SVIL: variants seen among roughly 807,000 people sequenced by gnomAD.
The protein encoded by SVIL is supervillin, also known as archvillin.
In SVIL, 101 loss-of-function variants were observed where a neutral mutation model predicts 240.4. The ratio of observed to expected loss-of-function variants is 0.42; its 90% CI spans 0.36 to 0.50. The LOEUF (loss-of-function observed/expected upper bound fraction) is 0.50, where lower values mean the gene tolerates loss of function less well. Ranked by LOEUF, SVIL falls within the 20% of genes least tolerant of loss-of-function variation. SVIL has a pLI of 0.01. For synonymous variants in SVIL, 999 were observed against 1,100.0 expected (o/e 0.91, Z 1.82); for missense variants, 2,512 against 2,818.7 (o/e 0.89, Z 2.46).
At chr10:29,474,548 T>C (rs1945957571) in intron 29 of SVIL, among the ~76,000 whole-genome samples, 1 of 152,028 alleles carries the variant, frequency 6.6e-6, no homozygotes, top group African/African-American at 2.4e-5. Context: ...TTAGCCATGA[T>C]TGTGTCACTG....
intron 29 of SVIL, among the ~76,000 whole-genome samples, chr10:29,478,415 G>A (rs925027428): frequency 3.3e-5 from 5 of 152,240 alleles, no homozygotes; most frequent in East Asian, 3.9e-4. Context: ...CCTGCTAAAC[G>A]TCATATATAC....
At chr10:29,507,801 G>A (rs1190838406) in intron 17 of SVIL, 15 of 985,036 alleles carry the variant, frequency 1.5e-5, no homozygotes, top group Non-Finnish European at 1.8e-5. Flanking sequence ...ATAAGTAGAA[G>A]CATATACAGG....
intron 29 of SVIL, among the ~76,000 whole-genome samples, chr10:29,476,332 C>A (rs913647204): frequency 1.3e-5 from 2 of 152,236 alleles, no homozygotes; most frequent in African/African-American, 4.8e-5. Context: ...TACATATTCA[C>A]ACTTAAATAA....
intron 22 of SVIL, among the ~76,000 whole-genome samples, 197 bp downstream of exon 22, chr10:29,490,650 C>T (rs1320298383): frequency 6.6e-6 from 1 of 151,386 alleles, no homozygotes; most frequent in African/African-American, 2.4e-5. Flanking sequence ...AGGTGATACA[C>T]ACTTTGAGAA....
intron 1 of SVIL, among the ~76,000 whole-genome samples, chr10:29,631,146 C>T (rs1224242894): frequency 2.0e-5 from 3 of 152,236 alleles, no homozygotes; most frequent in Non-Finnish European, 4.4e-5. Flanking sequence ...GCCAACAGAA[C>T]TCCAGGGGCA....
At chr10:29,603,086 G>A (rs545124153) in intron 1 of SVIL, among the ~76,000 whole-genome samples, 3 of 118,728 alleles carry the variant, frequency 2.5e-5, no homozygotes, top group Admixed American at 8.7e-5. Context: ...ACTGAAACTC[G>A]AGACTCCTTC....
At chr10:29,723,834 A>G (rs1388899904) in intron 1 of SVIL, among the ~76,000 whole-genome samples, 1 of 152,234 alleles carries the variant, frequency 6.6e-6, no homozygotes, top group Non-Finnish European at 1.5e-5. Context: ...ATGAAACAAA[A>G]GCCATTGTTG....
At chr10:29,653,823 A>G (rs1478484527) in intron 3 of SVIL, among the ~76,000 whole-genome samples, 3 of 152,046 alleles carry the variant, frequency 2.0e-5, no homozygotes, top group Admixed American at 1.3e-4. Context: ...TTGTTTTGGC[A>G]TTGTTTTGTA....
chr10:29,646,216 C>G (rs11007682), intron 3 of SVIL, among the ~76,000 whole-genome samples: 9,815 of 152,322 alleles, frequency 0.064, 395 homozygotes, highest in East Asian at 0.16. Flanking sequence ...CAGACACCCC[C>G]CTGCCCTGCA....
At chr10:29,734,947 A>T (rs1197235257) in intron 1 of SVIL, among the ~76,000 whole-genome samples, 1 of 152,100 alleles carries the variant, frequency 6.6e-6, no homozygotes, top group African/African-American at 2.4e-5. Flanking sequence ...GGAACTTCTC[A>T]TTGCAATAAA....
In SVIL at chr10:29,735,526, C is replaced by A. The variant is rs1317507419; in HGVS notation, c.-400+225G>T. On this transcript the variant is annotated intron_variant, in intron 1 of 35. Transcript: ENST00000375400. This position sits in a 1 kb window ranked among gnomAD's most constrained non-coding sequence, Gnocchi z 4.1. ...CGCCTTTGTTACGGCTCGGGGACCCCGCGGGCCGAGCGCAGCGCCCCGTCG... is the reference window on the plus strand; with the variant it reads ...CGCCTTTGTTACGGCTCGGGGACCCAGCGGGCCGAGCGCAGCGCCCCGTCG... Among the ~76,000 whole-genome samples, 1 of 150,742 alleles carries A rather than the reference C, an allele frequency of 6.6e-6. No individual in the cohort carries two copies. The highest frequency in any genetic ancestry group is 1.5e-5 in the Non-Finnish European group (1 of 67,402).
intron 34 of SVIL, among the ~76,000 whole-genome samples, 168 bp downstream of exon 34, chr10:29,465,427 C>A (rs1944792335): frequency 6.6e-6 from 1 of 152,142 alleles, no homozygotes; most frequent in African/African-American, 2.4e-5. Context: ...ACTCTCCTTC[C>A]TTTTGGTGTA....
At chr10:29,477,302 G>C (rs1342625675) in intron 29 of SVIL, among the ~76,000 whole-genome samples, 1 of 152,210 alleles carries the variant, frequency 6.6e-6, no homozygotes, top group Non-Finnish European at 1.5e-5. Context: ...GACTGTTCAT[G>C]GTCAAGCATT....
intron 17 of SVIL, among the ~76,000 whole-genome samples, chr10:29,506,674 GCCC>G (rs1949322836): frequency 1.4e-5 from 2 of 145,540 alleles, no homozygotes; most frequent in Non-Finnish European, 1.5e-5. Flanking sequence ...GGGGACAGAG[GCCC>G]TATGAGGGAG....
chr10:29,706,534 T>C (rs1416199671), intron 1 of SVIL, among the ~76,000 whole-genome samples: 1 of 152,236 alleles, frequency 6.6e-6, no homozygotes, highest in East Asian at 1.9e-4. Flanking sequence ...TTAAGTTCCT[T>C]GCAGATTTTG....
intron 29 of SVIL, among the ~76,000 whole-genome samples, chr10:29,479,464 AG>A (rs1389867358): frequency 6.6e-6 from 1 of 152,178 alleles, no homozygotes. Flanking sequence ...CTGAGGGGGC[AG>A]GGGGACCTCT....
At chr10:29,684,955 G>T (rs75288547) in intron 2 of SVIL, among the ~76,000 whole-genome samples, 1 of 151,990 alleles carries the variant, frequency 6.6e-6, no homozygotes, top group South Asian at 2.1e-4. Context: ...GGTATTACAC[G>T]TGCAGGTTTA....
rs765131890 is a variant in SVIL, at chr10:29,458,542, G to A, written c.6450C>T (p.Ala2150=). Residue 2150 remains alanine (A), a synonymous_variant, in exon 37 of 38, where the codon GCC becomes GCT. Transcript: ENST00000355867. ...GCGGGTAAATGGTTTTACAGAGCTT[G>A]GCTAAGACGTCTTCCACGAGGGTGA... The part of the protein sequence containing the change: ...NQITLVEDVL[A]KLCKTIYPLA... 26 of 1,611,442 alleles carry A rather than the reference G, an allele frequency of 1.6e-5. No homozygotes were observed. Among genetic ancestry groups the A allele is most frequent in the Non-Finnish European group, 2.1e-5 (25 of 1,178,868 alleles).
At chr10:29,609,310 G>T (rs566119303) in intron 1 of SVIL, among the ~76,000 whole-genome samples, 2 of 152,312 alleles carry the variant, frequency 1.3e-5, no homozygotes, top group Non-Finnish European at 2.9e-5. Flanking sequence ...CCTTCTGGGG[G>T]CCCAGACCTC....
Sources: gnomAD v4.1 joint callset for allele counts (sites outside exome capture counted in the v4.1 genomes callset) on GRCh38, gnomAD v4.1.1 for gene constraint, Gnocchi (gnomAD v3.1) non-coding constraint, MANE v1.5 for transcripts, NCBI Gene and HGNC (gene_info 2026-07-23, HGNC 2026-07-21) for gene names.